Variants in ENTPD7 observed in about 807,000 individuals in gnomAD.
ENTPD7 encodes NTPDase 7.
In ENTPD7, 53 loss-of-function variants were observed where a neutral mutation model predicts 77.9. That is an observed-to-expected ratio of 0.68 (90% confidence interval 0.55 to 0.85). The LOEUF (loss-of-function observed/expected upper bound fraction) is 0.85, where lower values mean the gene tolerates loss of function less well. Among genes scored for constraint, ENTPD7 ranks in the 40% least tolerant of loss-of-function variants. The probability of loss-of-function intolerance (pLI) is 0.00; values close to 1 mark genes in which losing one functional copy is unlikely to be tolerated. For synonymous variants in ENTPD7, 248 were observed against 274.9 expected (o/e 0.90, Z 0.97); for missense variants, 636 against 743.7 (o/e 0.86, Z 1.68).
At position 99,705,208 on chromosome 10, in the gene ENTPD7, A is replaced by G. The variant is rs2036228755; in HGVS notation, c.*525A>G. 6.3e-6 allele frequency: 1 copy of G among 159,398 alleles called. No homozygotes were observed. Among genetic ancestry groups the G allele is most frequent in the South Asian group, 1.8e-4 (1 of 5,640 alleles). The allele number at this position is 159,398 out of a possible 1,614,324, so 9.9% of individuals were successfully genotyped here. A position where few individuals can be genotyped will look rare whatever the true frequency, so the allele number is the denominator to read the frequency against. On this transcript the variant is annotated 3_prime_UTR_variant, in exon 13 of 13. Coordinates refer to ENST00000370489, the MANE Select transcript of ENTPD7 (RefSeq NM_020354.5). ...ATCGACCACATAGGAATTTCCAGGC[A>G]CCAAAATGATATAACTTCCTTGCTT...
At position 99,711,045 on chromosome 10, in the gene ENTPD7, C is replaced by T; in HGVS notation, c.*6362C>T. ...TGTAATTATCCATTTTCCATTCATG[C>T]ATTCACTAATTCAATATTTGATATG... On this transcript the variant is annotated 3_prime_UTR_variant, in exon 13 of 13. Transcript: ENST00000370489. The T allele has an allele frequency of 1.0e-6, 1 of 985,132 alleles. No homozygotes were observed. Among genetic ancestry groups the T allele is most frequent in the Non-Finnish European group, 1.2e-6 (1 of 829,842 alleles). 61.0% of individuals were successfully genotyped at this position (985,132 alleles called of 1,614,324 possible).
At chr10:99,660,706 C>T (rs1473610157) in intron 2 of ENTPD7, among the ~76,000 whole-genome samples, 1 of 152,190 alleles carries the variant, frequency 6.6e-6, no homozygotes, top group Non-Finnish European at 1.5e-5. Flanking sequence ...AGGCAGATCA[C>T]CTGAGGTCAG....
chr10:99,682,503 C>T (rs2035766023), intron 5 of ENTPD7, among the ~76,000 whole-genome samples: 1 of 152,068 alleles, frequency 6.6e-6, no homozygotes, highest in Non-Finnish European at 1.5e-5. Context: ...TTTGTTTTTA[C>T]TTATCTTTAA....
intron 3 of ENTPD7, among the ~76,000 whole-genome samples, chr10:99,667,232 C>T (rs1351938290): frequency 6.6e-6 from 1 of 152,206 alleles, no homozygotes; most frequent in Admixed American, 6.5e-5. Context: ...TATATTGCCA[C>T]AAATGACCAT....
At chr10:99,704,258 G>A (rs2036201972) in intron 12 of ENTPD7, among the ~76,000 whole-genome samples, 194 bp from the exon 13 acceptor site, 1 of 152,140 alleles carries the variant, frequency 6.6e-6, no homozygotes, top group African/African-American at 2.4e-5. Flanking sequence ...TGGGGGCCGT[G>A]GGAAGGAAGA....
intron 2 of ENTPD7, among the ~76,000 whole-genome samples, chr10:99,660,750 G>A (rs1013773533): frequency 1.3e-5 from 2 of 151,888 alleles, no homozygotes; most frequent in African/African-American, 2.4e-5. Context: ...GTAGAAACCC[G>A]GTCTCTACTA....
chr10:99,688,568 G>C, intron 6 of ENTPD7, 126 bp from the exon 7 acceptor site: 1 of 759,344 alleles, frequency 1.3e-6, no homozygotes, highest in Admixed American at 2.9e-5. Flanking sequence ...CCTACATTGA[G>C]AGTATGGAAT....
chr10:99,666,738 C>G lies in ENTPD7; in HGVS notation c.191+5110C>G, dbSNP rs2035555122. Among the ~76,000 whole-genome samples the G allele has an allele frequency of 2.0e-5, 3 of 152,184 alleles. No individual in the cohort carries two copies. In the South Asian group the frequency reaches 6.2e-4, roughly 31 times the overall value. On this transcript the variant is annotated intron_variant, in intron 3 of 12. Transcript: ENST00000370489. ...AGGTGCTCAGAACATTTACATTAGC[C>G]TACTGTTGTGCAAAACCACCTAACA...
At chr10:99,664,876 C>T (rs2035529636) in intron 3 of ENTPD7, among the ~76,000 whole-genome samples, 1 of 152,152 alleles carries the variant, frequency 6.6e-6, no homozygotes, top group Non-Finnish European at 1.5e-5. Flanking sequence ...AGAAGGACTA[C>T]AAGTTCAACA....
chr10:99,694,236 C>G (rs1028364049), intron 8 of ENTPD7, among the ~76,000 whole-genome samples: 9 of 152,184 alleles, frequency 5.9e-5, no homozygotes, highest in South Asian at 2.1e-4. Context: ...TCTACTTTCT[C>G]TCTCCAGTGG....
intron 3 of ENTPD7, among the ~76,000 whole-genome samples, chr10:99,674,868 CTATATTCTTCATTGCCACACAA>C (rs958746152): frequency 6.6e-6 from 1 of 152,186 alleles, no homozygotes; most frequent in Admixed American, 6.5e-5. Flanking sequence ...CTAGTAGTTA[CTATATTCTTCATTGCCACACAA>C]TTGCATTGGA....
At chr10:99,695,006 G>A (rs1564633952) in intron 8 of ENTPD7, among the ~76,000 whole-genome samples, 1 of 152,120 alleles carries the variant, frequency 6.6e-6, no homozygotes, top group Non-Finnish European at 1.5e-5. Context: ...GGCAGAGAAT[G>A]GAATGAGATT....
Position 99,691,387 on chromosome 10 carries a change from T to A in ENTPD7, c.712T>A (p.Ser238Thr), listed in dbSNP as rs1590049356. 6.2e-7 allele frequency: 1 copy of A among 1,612,728 alleles called. No homozygotes were observed. The highest frequency in any genetic ancestry group is 1.1e-5 in the South Asian group (1 of 91,002). The change falls in exon 8 of 13, where the codon TCA becomes ACA. Residue 238 changes from serine to threonine, a missense_variant and splice_region_variant. Physicochemically the swap from Ser to Thr is moderately conservative, Grantham distance 58 (BLOSUM62 1). Transcript: ENST00000370489. Reference sequence around the variant, plus strand: ...TTTTGTTCTCTTATTTATTTCAGAATCAGATGCTGAGGCTACCCAGGAATT... The same window carrying A: ...TTTTGTTCTCTTATTTATTTCAGAAACAGATGCTGAGGCTACCCAGGAATT... ...VLGRFDHEDE[S>T]DAEATQELAA...
intron 3 of ENTPD7, among the ~76,000 whole-genome samples, chr10:99,669,115 C>T (rs1047421580): frequency 6.7e-6 from 1 of 150,244 alleles, no homozygotes; most frequent in Admixed American, 6.7e-5. Flanking sequence ...TAGGCTCAAG[C>T]AATCCACCTG....
At chr10:99,694,699 G>C in intron 8 of ENTPD7, among the ~76,000 whole-genome samples, 1 of 151,946 alleles carries the variant, frequency 6.6e-6, no homozygotes, top group African/African-American at 2.4e-5. Context: ...ACCATGCCTG[G>C]CTAATTTTTG....
intron 6 of ENTPD7, 104 bp downstream of exon 6, chr10:99,685,999 T>G: frequency 1.4e-6 from 1 of 698,134 alleles, no homozygotes; most frequent in African/African-American, 1.8e-5. Flanking sequence ...TTTTAATTTT[T>G]CTGCCAATAA....
intron 3 of ENTPD7, among the ~76,000 whole-genome samples, chr10:99,663,427 T>G (rs939179432): frequency 6.6e-6 from 1 of 151,956 alleles, no homozygotes; most frequent in African/African-American, 2.4e-5. Flanking sequence ...AATTTGATTG[T>G]GATGTGCTTT....
At chr10:99,688,812 A>G (rs1219410259) in intron 7 of ENTPD7, 62 bp downstream of exon 7, 1 of 1,495,760 alleles carries the variant, frequency 6.7e-7, no homozygotes, top group African/African-American at 1.4e-5. Flanking sequence ...GTTATAACCT[A>G]TCAGTAGCAT....
intron 5 of ENTPD7, among the ~76,000 whole-genome samples, chr10:99,681,811 G>A (rs1412729919): frequency 1.3e-5 from 2 of 152,130 alleles, no homozygotes; most frequent in Non-Finnish European, 2.9e-5. Flanking sequence ...CTTTTCATAT[G>A]CCTGTTGGCC....
Sources: allele counts gnomAD v4.1 joint callset (sites outside exome capture counted in the v4.1 genomes callset), GRCh38; gene constraint gnomAD v4.1.1; transcripts MANE v1.5; gene names NCBI Gene and HGNC (gene_info 2026-07-23, HGNC 2026-07-21).